PXDC1: variants seen among roughly 807,000 people sequenced by gnomAD.
The protein encoded by PXDC1 is PX domain containing 1, also known as PX domain-containing protein 1.
In PXDC1, 13 loss-of-function variants were observed where a neutral mutation model predicts 24.4. The observed-to-expected ratio is 0.53, with a 90% confidence interval of 0.35 to 0.85. The LOEUF (loss-of-function observed/expected upper bound fraction) is 0.85, where lower values mean the gene tolerates loss of function less well. PXDC1 is among the 40% of genes least tolerant of loss of function. The pLI is 0.01. For synonymous variants in PXDC1, 162 were observed against 124.9 expected, an observed-to-expected ratio of 1.30 and a Z score of -1.98; for missense variants, 344 against 309.3, an observed-to-expected ratio of 1.11 and a Z score of -0.84.
chr6:3,730,521 A>G (rs1005607128), intron 3 of PXDC1, among the ~76,000 whole-genome samples: 2 of 152,200 alleles, frequency 1.3e-5, no homozygotes, highest in African/African-American at 4.8e-5. Context: ...AGTTTAAAAA[A>G]AAAAAAAGAA....
Position 3,728,205 on chromosome 6 carries a change from C to T in PXDC1, c.467-543G>A, listed in dbSNP as rs1050657174. ...TTGGTTACACGGATAAGTTCTTTAG[C>T]GGTGATTTCTGAGATTTTGGTGGAT... is the stretch of plus-strand genomic sequence containing the variant. On this transcript the variant is annotated intron_variant, in intron 3 of 4. Transcript: ENST00000380283. The surrounding 1 kb of genome is among the most constrained non-coding windows in gnomAD (Gnocchi z 4.0). Among the ~76,000 whole-genome samples, 5 of 152,286 alleles carry T rather than the reference C, an allele frequency of 3.3e-5. No individual in the cohort carries two copies. The highest frequency in any genetic ancestry group is 9.6e-5 in the African/African-American group (4 of 41,558).
chr6:3,727,533 T>C lies in PXDC1; in HGVS notation c.578+18A>G, dbSNP rs771566069. The C allele has an allele frequency of 1.6e-5, 25 of 1,527,508 alleles. No individual in the cohort carries two copies. The East Asian group carries it at 5.2e-4, about 32-fold the overall frequency. 94.6% of individuals were successfully genotyped at this position (1,527,508 alleles called of 1,614,324 possible). A position where few individuals can be genotyped will look rare whatever the true frequency, so the allele number is the denominator to read the frequency against. Reference sequence around the variant, plus strand: ...CTCAGGACAGTCTATGAAACGATATTCAAATCAGCATACTTACAAATGCTC... The same window carrying C: ...CTCAGGACAGTCTATGAAACGATATCCAAATCAGCATACTTACAAATGCTC... On this transcript the variant is annotated intron_variant, in intron 4 of 4. Coordinates refer to ENST00000380283, the MANE Select transcript of PXDC1 (RefSeq NM_183373.4).
intron 4 of PXDC1, among the ~76,000 whole-genome samples, chr6:3,726,880 G>A (rs543120904): frequency 2.1e-4 from 32 of 152,360 alleles, no homozygotes; most frequent in South Asian, 8.3e-4. Context: ...GAATGGTCCC[G>A]TGAAGGTAAG....
chr6:3,745,842 C>T (rs1264274015), intron 1 of PXDC1, among the ~76,000 whole-genome samples: 1 of 152,230 alleles, frequency 6.6e-6, no homozygotes, highest in African/African-American at 2.4e-5. Context: ...CATGTGTTTT[C>T]TGCTGAGTCT....
chr6:3,733,817 G>A (rs1405631826), intron 3 of PXDC1, among the ~76,000 whole-genome samples: 3 of 152,202 alleles, frequency 2.0e-5, no homozygotes, highest in Admixed American at 2.0e-4. Flanking sequence ...CACAGGCCTA[G>A]TGCCAGCCCC....
At chr6:3,744,882 T>C (rs766897129) in intron 1 of PXDC1, among the ~76,000 whole-genome samples, 1 of 152,196 alleles carries the variant, frequency 6.6e-6, no homozygotes, top group Non-Finnish European at 1.5e-5. Context: ...CTATCTTTAG[T>C]AGAGACGGGG....
At chr6:3,744,181 A>G (rs1010352027) in intron 1 of PXDC1, among the ~76,000 whole-genome samples, 3 of 152,172 alleles carry the variant, frequency 2.0e-5, no homozygotes, top group Non-Finnish European at 4.4e-5. Flanking sequence ...ACATTCTCCA[A>G]CAGCCATCCA....
At chr6:3,727,018 A>T (rs1322340692) in intron 4 of PXDC1, among the ~76,000 whole-genome samples, 2 of 152,240 alleles carry the variant, frequency 1.3e-5, no homozygotes, top group Non-Finnish European at 2.9e-5. Flanking sequence ...CACCAAGAAG[A>T]TGCCTGGAGG....
rs1313073344 is a variant in PXDC1, at chr6:3,751,445, G to A, written c.87C>T (p.Val29=). 1.9e-6 allele frequency: 3 copies of A among 1,598,536 alleles called. No individual in the cohort carries two copies. The highest frequency in any genetic ancestry group is 2.3e-5 in the East Asian group (1 of 44,168). Residue 29 remains valine, a synonymous_variant, in exon 1 of 5, where the codon GTC becomes GTT. Coordinates refer to ENST00000380283, the MANE Select transcript of PXDC1 (RefSeq NM_183373.4). The stretch of plus-strand genomic sequence containing the variant: ...ACTCCTCTTCGTCGCCGCGCCGGCT[G>A]ACGATGAGCCTGCGGATGCCGTTCA... The part of the protein sequence containing the change: ...CWVNGIRRLI[V]SRRGDEEEFF...
chr6:3,740,062 A>G (rs1451644462), intron 1 of PXDC1, among the ~76,000 whole-genome samples: 2 of 152,242 alleles, frequency 1.3e-5, no homozygotes, highest in Admixed American at 1.3e-4. Flanking sequence ...CAGTTGATCA[A>G]ATGAATGACA....
intron 1 of PXDC1, chr6:3,739,260 A>AC: frequency 7.7e-6 from 4 of 521,022 alleles, no homozygotes; most frequent in Non-Finnish European, 1.0e-5. Context: ...GGCTCCCCAG[A>AC]CATAGGTCAA....
At chr6:3,730,747 A>G (rs527708021) in intron 3 of PXDC1, among the ~76,000 whole-genome samples, 37 of 152,346 alleles carry the variant, frequency 2.4e-4, no homozygotes, top group African/African-American at 8.4e-4. Flanking sequence ...TTGCTACGGG[A>G]CCAGGGAGCC....
intron 1 of PXDC1, among the ~76,000 whole-genome samples, chr6:3,738,445 T>A (rs1480638636): frequency 5.3e-5 from 8 of 152,088 alleles, no homozygotes; most frequent in Admixed American, 5.2e-4. Flanking sequence ...GCAAACTCCA[T>A]AATCACCCTG....
chr6:3,739,924 ATTC>A (rs1411251128), intron 1 of PXDC1, among the ~76,000 whole-genome samples: 2 of 152,244 alleles, frequency 1.3e-5, no homozygotes, highest in Non-Finnish European at 2.9e-5. Flanking sequence ...CCAATTCAAA[ATTC>A]TTAAAAAGTT....
At chr6:3,750,863 C>T (rs1368724366) in intron 1 of PXDC1, among the ~76,000 whole-genome samples, 1 of 152,176 alleles carries the variant, frequency 6.6e-6, no homozygotes, top group African/African-American at 2.4e-5. Context: ...CTGCAGTTAA[C>T]TGCTCCCAGA....
At chr6:3,748,166 G>A (rs2127602762) in intron 1 of PXDC1, among the ~76,000 whole-genome samples, 1 of 152,256 alleles carries the variant, frequency 6.6e-6, no homozygotes. Context: ...GTTAGGTATC[G>A]CACAGAGGGG....
intron 1 of PXDC1, among the ~76,000 whole-genome samples, chr6:3,746,883 T>C (rs57544930): frequency 0.016 from 2,390 of 152,206 alleles, 72 homozygotes; most frequent in African/African-American, 0.054. Flanking sequence ...CTGTCAGGGT[T>C]GTGGGAGTCT....
rs1352305318 is a variant in PXDC1, at chr6:3,751,318, G to A, written c.214C>T (p.Pro72Ser). ...RLWQRLRDAF[P>S]EDRSELAQGP... is the part of the protein sequence containing the mutation. Reference sequence around the variant, plus strand: ...TGCGCCAGTTCGGACCGGTCCTCGGGAAAGGCGTCGCGCAGGCGCTGCCAC... The same window carrying A: ...TGCGCCAGTTCGGACCGGTCCTCGGAAAAGGCGTCGCGCAGGCGCTGCCAC... The change falls in exon 1 of 5, where the codon CCC becomes TCC. Residue 72 changes from proline (P) to serine (S), a missense_variant. Transcript: ENST00000380283. 2 of 1,548,306 alleles carry A rather than the reference G, an allele frequency of 1.3e-6. No homozygotes were observed. Among genetic ancestry groups the A allele is most frequent in the Admixed American group, 3.8e-5 (2 of 52,316 alleles).
chr6:3,739,253 TC>T, intron 1 of PXDC1: 1 of 566,530 alleles, frequency 1.8e-6, no homozygotes, highest in Non-Finnish European at 2.3e-6. Flanking sequence ...CCACCAGGGC[TC>T]CCCAGACATA....
Sources: gnomAD v4.1 joint callset for allele counts (sites outside exome capture counted in the v4.1 genomes callset) on GRCh38, gnomAD v4.1.1 for gene constraint, Gnocchi (gnomAD v3.1) non-coding constraint, MANE v1.5 for transcripts, NCBI Gene and HGNC (gene_info 2026-07-23, HGNC 2026-07-21) for gene names.